Variants in SMARCA1 observed in about 807,000 individuals in gnomAD.
The protein encoded by SMARCA1 is SWI/SNF-related matrix-associated actin-dependent regulator of chromatin subfamily A member 1.
SMARCA1 carries 17 observed loss-of-function variants against 93.6 expected under a neutral mutation model. That is an observed-to-expected ratio of 0.18 (90% CI 0.12 to 0.27). SMARCA1 has a LOEUF of 0.27. SMARCA1 is among the 10% of genes least tolerant of loss of function. The pLI is 1.00. For missense variants in SMARCA1, 630 were observed against 819.0 expected (o/e 0.77, Z 2.82); for synonymous variants, 271 against 271.4 (o/e 1.00, Z 0.01).
intron 9 of SMARCA1, among the ~76,000 whole-genome samples, chrX:129,502,624 G>A (rs897905926): frequency 1.8e-5 from 2 of 111,635 alleles, no homozygotes; most frequent in African/African-American, 6.5e-5. Context: ...GATATGGAGA[G>A]GATAAACTAC....
chrX:129,505,006 T>C (rs1390858382), intron 8 of SMARCA1, among the ~76,000 whole-genome samples: 1 of 112,008 alleles, frequency 8.9e-6, no homozygotes, highest in East Asian at 2.8e-4. Context: ...CCCCACTGTG[T>C]AAGAATTCCA....
intron 19 of SMARCA1, among the ~76,000 whole-genome samples, chrX:129,471,660 A>G (rs779260446): frequency 3.6e-5 from 4 of 112,104 alleles, no homozygotes; most frequent in Non-Finnish European, 5.6e-5. Context: ...AAAAGAATCC[A>G]TATTCCCCTG....
At chrX:129,461,750 G>C (rs1602653726) in intron 23 of SMARCA1, among the ~76,000 whole-genome samples, 1 of 111,529 alleles carries the variant, frequency 9.0e-6, no homozygotes, top group African/African-American at 3.3e-5. Context: ...AAAATGGTAG[G>C]GCAATTCATA....
intron 19 of SMARCA1, among the ~76,000 whole-genome samples, chrX:129,477,127 T>A (rs1933420908): frequency 9.0e-6 from 1 of 111,569 alleles, no homozygotes; most frequent in Non-Finnish European, 1.9e-5. Context: ...AGGGGATTGG[T>A]TCTCCTTCCA....
rs1418938099 is a variant in SMARCA1 at position 129,487,152 on chromosome X, A to G, written c.2098-15T>C. On this transcript the variant is annotated splice_polypyrimidine_tract_variant and intron_variant, in intron 16 of 24. Coordinates refer to ENST00000371121, the MANE Select transcript of SMARCA1 (RefSeq NM_001282874.2). ...ATCTCTGCAGTCTAAAGGTGAAAAC[A>G]TTGAAATGAGAAAATTATCACTGAA... 5 of 1,116,544 alleles carry G rather than the reference A, an allele frequency of 4.5e-6. No individual in the cohort carries two copies. Among genetic ancestry groups the G allele is most frequent in the South Asian group, 2.2e-5 (1 of 46,240 alleles). The allele number at this position is 1,116,544 out of a possible 1,213,427, so 92.0% of individuals were successfully genotyped here. A position where few individuals can be genotyped will look rare whatever the true frequency, so the allele number is the denominator to read the frequency against.
At chrX:129,504,197 G>A (rs1238444683) in intron 9 of SMARCA1, among the ~76,000 whole-genome samples, 3 of 111,800 alleles carry the variant, frequency 2.7e-5, no homozygotes, top group Admixed American at 9.5e-5. Context: ...AGGATTGCTT[G>A]AGCTCGGGAG....
rs755412305 is a variant in SMARCA1 at position 129,457,698 on chromosome X, C to T, written c.3030+7822G>A. Among the ~76,000 whole-genome samples, 3 of 112,180 alleles carry T rather than the reference C, an allele frequency of 2.7e-5. No homozygotes were observed. In the South Asian group the frequency reaches 1.1e-3, roughly 41 times the overall value. On this transcript the variant is annotated intron_variant, in intron 23 of 24. Coordinates refer to ENST00000371121, the MANE Select transcript of SMARCA1 (RefSeq NM_001282874.2). Reference sequence around the variant, plus strand: ...CTCACAAGGCTGGCTATTCCAACTTCAGACAAGTTAAAAATGTTCCTCTAT... The same window carrying T: ...CTCACAAGGCTGGCTATTCCAACTTTAGACAAGTTAAAAATGTTCCTCTAT...
intron 23 of SMARCA1, among the ~76,000 whole-genome samples, chrX:129,450,073 C>T (rs946256221): frequency 8.9e-6 from 1 of 112,402 alleles, no homozygotes; most frequent in Non-Finnish European, 1.9e-5. Context: ...CCGCAAAATT[C>T]ATCTGAAGCC....
intron 1 of SMARCA1, among the ~76,000 whole-genome samples, chrX:129,520,640 C>G (rs1418047540): frequency 9.1e-6 from 1 of 110,161 alleles, no homozygotes; most frequent in Non-Finnish European, 1.9e-5. Context: ...AAACCAAGGA[C>G]GAAAATGTCT....
chrX:129,500,757 A>G (rs186248522), intron 9 of SMARCA1, among the ~76,000 whole-genome samples: 1 of 112,092 alleles, frequency 8.9e-6, no homozygotes, highest in African/African-American at 3.2e-5. Context: ...TTGATCTGCA[A>G]TGCCAGTATC....
intron 9 of SMARCA1, among the ~76,000 whole-genome samples, chrX:129,501,299 CTT>C (rs67871991): frequency 5.4e-4 from 54 of 100,878 alleles, no homozygotes; most frequent in African/African-American, 1.5e-3. Context: ...ATATACCAAA[CTT>C]TTTTTTTTTT....
chrX:129,502,713 T>C (rs1020897433), intron 9 of SMARCA1, among the ~76,000 whole-genome samples: 1 of 111,536 alleles, frequency 9.0e-6, no homozygotes, highest in East Asian at 2.8e-4. Flanking sequence ...AGCACTGTTT[T>C]GCATATGTGT....
At chrX:129,464,618 T>C (rs775319118) in intron 23 of SMARCA1, among the ~76,000 whole-genome samples, 5 of 112,285 alleles carry the variant, frequency 4.5e-5, no homozygotes, top group African/African-American at 1.6e-4. Flanking sequence ...TGTTTCCTAA[T>C]AAAAAACTCA....
At chrX:129,522,061 C>T (rs1204573524) in intron 1 of SMARCA1, among the ~76,000 whole-genome samples, 1 of 111,454 alleles carries the variant, frequency 9.0e-6, no homozygotes, top group Non-Finnish European at 1.9e-5. Flanking sequence ...TATGACTACT[C>T]GTAAATAGGA....
At chrX:129,477,112 G>A (rs187243890) in intron 19 of SMARCA1, among the ~76,000 whole-genome samples, 1 of 111,755 alleles carries the variant, frequency 8.9e-6, no homozygotes, top group East Asian at 2.8e-4. Flanking sequence ...TAGGAGTAGA[G>A]TAGTAGGGGA....
chrX:129,465,878 C>T lies in SMARCA1; in HGVS notation c.2783G>A (p.Arg928Gln), dbSNP rs866905964. Residue 928 changes from arginine (R) to glutamine (Q), a missense_variant, in exon 22 of 25, where the codon CGA (arginine) becomes CAA (glutamine). Coordinates refer to ENST00000371121, the MANE Select transcript of SMARCA1 (RefSeq NM_001282874.2). ...CAGGGCTTTCTTGATACTGATCCTT[C>T]GTTGAATTCTTGCTTCTCCACGTTC... is the stretch of plus-strand genomic sequence containing the variant. The part of the protein sequence containing the change: ...QIERGEARIQ[R>Q]RISIKKALDA... The T allele has an allele frequency of 1.7e-6, 2 of 1,180,954 alleles. No individual in the cohort carries two copies. The highest frequency in any genetic ancestry group is 1.8e-5 in the African/African-American group (1 of 56,857).
chrX:129,504,575 A>AC (rs1934730634), intron 9 of SMARCA1, among the ~76,000 whole-genome samples, 159 bp downstream of exon 9: 1 of 101,038 alleles, frequency 9.9e-6, no homozygotes, highest in Non-Finnish European at 2.0e-5. Context: ...AAAAAAAAAA[A>AC]AAAAAACAAA....
At chrX:129,475,257 A>AAGCAAAGTG (rs1933323803) in intron 19 of SMARCA1, among the ~76,000 whole-genome samples, 1 of 110,154 alleles carries the variant, frequency 9.1e-6, no homozygotes, top group Non-Finnish European at 1.9e-5. Context: ...GGTGGCTCAC[A>AAGCAAAGTG]CTTGTAATCC....
chrX:129,477,108 T>C (rs767889855), intron 19 of SMARCA1, among the ~76,000 whole-genome samples: 1 of 109,849 alleles, frequency 9.1e-6, no homozygotes, highest in East Asian at 2.9e-4. Flanking sequence ...AGGCTAGGAG[T>C]AGAGTAGTAG....
Sources: allele counts gnomAD v4.1 joint callset (sites outside exome capture counted in the v4.1 genomes callset), GRCh38; gene constraint gnomAD v4.1.1; transcripts MANE v1.5; gene names NCBI Gene and HGNC (gene_info 2026-07-23, HGNC 2026-07-21).